Variants in F13A1 observed in about 807,000 individuals in gnomAD.
The protein encoded by F13A1 is coagulation factor XIII A chain.
In F13A1, 47 loss-of-function variants were observed where a neutral mutation model predicts 80.1. The ratio of observed to expected loss-of-function variants is 0.59; its 90% CI spans 0.46 to 0.75. The LOEUF is 0.75. Among genes scored for constraint, F13A1 ranks in the 30% least tolerant of loss-of-function variants. The pLI is 0.00. For missense variants in F13A1, 817 were observed against 930.4 expected, an observed-to-expected ratio of 0.88 and a Z score of 1.59; for synonymous variants, 349 against 344.9, an observed-to-expected ratio of 1.01 and a Z score of -0.13.
At chr6:6,230,563 A>C (rs1192522699) in intron 6 of F13A1, among the ~76,000 whole-genome samples, 1 of 152,122 alleles carries the variant, frequency 6.6e-6, no homozygotes, top group East Asian at 1.9e-4. Context: ...GGCCCTGCCC[A>C]CCACTGGTTC....
chr6:6,304,958 G>A (rs1006810005), intron 3 of F13A1, among the ~76,000 whole-genome samples: 1 of 151,864 alleles, frequency 6.6e-6, no homozygotes, highest in Non-Finnish European at 1.5e-5. Flanking sequence ...GACTAGATCA[G>A]AGCAGAATCA....
intron 8 of F13A1, among the ~76,000 whole-genome samples, chr6:6,207,105 C>T (rs1404967020): frequency 6.6e-6 from 1 of 152,084 alleles, no homozygotes; most frequent in Non-Finnish European, 1.5e-5. Flanking sequence ...AACAAACAAA[C>T]ATAAATCTCA....
intron 3 of F13A1, among the ~76,000 whole-genome samples, chr6:6,267,530 T>C (rs1345294786): frequency 6.6e-6 from 1 of 152,180 alleles, no homozygotes; most frequent in Non-Finnish European, 1.5e-5. Flanking sequence ...AGAGGCTTTG[T>C]TTTTCTCTGG....
intron 12 of F13A1, among the ~76,000 whole-genome samples, chr6:6,170,772 C>T (rs1267450824): frequency 6.6e-6 from 1 of 152,148 alleles, no homozygotes; most frequent in South Asian, 2.1e-4. Context: ...GGAAAGCTTT[C>T]TTTGCAGCAG....
chr6:6,155,107 T>C (rs974318148), intron 13 of F13A1, among the ~76,000 whole-genome samples: 1 of 152,190 alleles, frequency 6.6e-6, no homozygotes, highest in Non-Finnish European at 1.5e-5. Flanking sequence ...ATGAAGTCCA[T>C]ACATGGTTTT....
At chr6:6,266,870 C>G in intron 3 of F13A1, 61 bp from the exon 4 acceptor site, 1 of 1,608,694 alleles carries the variant, frequency 6.2e-7, no homozygotes, top group Non-Finnish European at 8.5e-7. Flanking sequence ...TTTGTTCTCA[C>G]TCTGTTATCT....
At chr6:6,313,279 C>CTTTTTTTTTTT (rs1331326098) in intron 2 of F13A1, among the ~76,000 whole-genome samples, 1 of 100,350 alleles carries the variant, frequency 1.0e-5, no homozygotes, top group African/African-American at 4.4e-5. Flanking sequence ...TGCTAAGCCG[C>CTTTTTTTTTTT]CTTTTTTTTT....
At chr6:6,210,664 G>T (rs1298881305) in intron 8 of F13A1, among the ~76,000 whole-genome samples, 1 of 151,852 alleles carries the variant, frequency 6.6e-6, no homozygotes, top group Non-Finnish European at 1.5e-5. Flanking sequence ...AAATTGCTGG[G>T]ATTACAGGTG....
intron 3 of F13A1, among the ~76,000 whole-genome samples, chr6:6,294,072 A>G (rs1313165283): frequency 6.6e-6 from 1 of 152,110 alleles, no homozygotes; most frequent in African/African-American, 2.4e-5. Context: ...GTTTTTACCT[A>G]TATAACAAAC....
At chr6:6,242,282 A>G (rs1228743533) in intron 6 of F13A1, among the ~76,000 whole-genome samples, 1 of 152,330 alleles carries the variant, frequency 6.6e-6, no homozygotes, top group East Asian at 1.9e-4. Context: ...CTGAAGTTCA[A>G]GATTTTTTTA....
At chr6:6,227,799 T>G (rs1022455357) in intron 6 of F13A1, among the ~76,000 whole-genome samples, 2 of 151,786 alleles carry the variant, frequency 1.3e-5, no homozygotes, top group African/African-American at 4.8e-5. Flanking sequence ...AGGGGAAGAG[T>G]AAGGAAAAAA....
chr6:6,284,119 C>T (rs144191032), intron 3 of F13A1, among the ~76,000 whole-genome samples: 463 of 152,304 alleles, frequency 3.0e-3, no homozygotes, highest in Non-Finnish European at 5.6e-3. Flanking sequence ...CTTATGCATG[C>T]GCCTTCAGTA....
intron 2 of F13A1, among the ~76,000 whole-genome samples, chr6:6,307,247 G>A (rs1758525715): frequency 6.6e-6 from 1 of 152,108 alleles, no homozygotes; most frequent in Non-Finnish European, 1.5e-5. Flanking sequence ...TACCCTGACT[G>A]CAGCATTACG....
intron 10 of F13A1, 106 bp downstream of exon 10, chr6:6,195,691 T>G: frequency 1.1e-6 from 1 of 947,716 alleles, no homozygotes; most frequent in East Asian, 2.6e-5. Flanking sequence ...ACACGAAGCA[T>G]ACGCTATGTA....
Position 6,222,130 on chromosome 6 carries a change from A to G in F13A1, c.1015T>C (p.Tyr339His). 2 of 1,614,080 alleles carry G rather than the reference A, an allele frequency of 1.2e-6. No individual in the cohort carries two copies. Among genetic ancestry groups the G allele is most frequent in the Non-Finnish European group, 1.7e-6 (2 of 1,179,938 alleles). The change falls in exon 8 of 15, where the codon TAT (tyrosine) becomes CAT (histidine). Residue 339 changes from tyrosine to histidine, a missense_variant. By Grantham distance (83) the Tyr-to-His change is moderately conservative (BLOSUM62 2). Transcript: ENST00000264870. ...LGIPARIVTN[Y>H]FSAHDNDANL... ...GCATCATTATCATGGGCAGAGAAAT[A>G]ATTGGTAACAATTCTTGCTGGTATT...
intron 8 of F13A1, 58 bp from the exon 9 acceptor site, chr6:6,197,384 G>T: frequency 6.5e-7 from 1 of 1,531,234 alleles, no homozygotes; most frequent in Non-Finnish European, 9.0e-7. Context: ...TGCTCCAAGA[G>T]ATCAAGAAGT....
chr6:6,191,176 A>G (rs1229722325), intron 10 of F13A1, among the ~76,000 whole-genome samples: 1 of 152,046 alleles, frequency 6.6e-6, no homozygotes, highest in African/African-American at 2.4e-5. Flanking sequence ...TGCAGAAATC[A>G]CCAGTCTTCT....
At chr6:6,265,879 C>T (rs2113122780) in intron 4 of F13A1, among the ~76,000 whole-genome samples, 1 of 152,104 alleles carries the variant, frequency 6.6e-6, no homozygotes, top group East Asian at 1.9e-4. Flanking sequence ...CTTAATAAGC[C>T]CAATTTGTTT....
chr6:6,211,899 G>C (rs974530735), intron 8 of F13A1, among the ~76,000 whole-genome samples: 2 of 152,216 alleles, frequency 1.3e-5, no homozygotes, highest in African/African-American at 4.8e-5. Context: ...CCCTTCCCGA[G>C]TCAAAGAAAG....
Sources: allele counts gnomAD v4.1 joint callset (sites outside exome capture counted in the v4.1 genomes callset), GRCh38; gene constraint gnomAD v4.1.1; transcripts MANE v1.5; gene names NCBI Gene and HGNC (gene_info 2026-07-23, HGNC 2026-07-21).